TEX2: variants seen among roughly 807,000 people sequenced by gnomAD.
The protein encoded by TEX2 is testis-expressed protein 2.
TEX2 carries 53 observed loss-of-function variants against 106.9 expected under a neutral mutation model. That is an observed-to-expected ratio of 0.50 (90% confidence interval 0.40 to 0.62). The LOEUF is 0.62. Among genes scored for constraint, TEX2 ranks in the 20% least tolerant of loss-of-function variants. The pLI, the probability that TEX2 is intolerant of heterozygous loss-of-function variation, is 0.00. For missense variants in TEX2, 1,207 were observed against 1,379.0 expected (o/e 0.88, Z 1.98); for synonymous variants, 523 against 534.8 (o/e 0.98, Z 0.30).
At chr17:64,158,201 T>G (rs536864887) in intron 8 of TEX2, among the ~76,000 whole-genome samples, 1 of 152,370 alleles carries the variant, frequency 6.6e-6, no homozygotes, top group African/African-American at 2.4e-5. Context: ...GGTTAAAATC[T>G]CAGTCTAACC....
chr17:64,208,806 T>C (rs1365290592), intron 2 of TEX2, among the ~76,000 whole-genome samples: 1 of 151,940 alleles, frequency 6.6e-6, no homozygotes, highest in Non-Finnish European at 1.5e-5. Context: ...TTTAAATTTT[T>C]TGTAGAGATG....
intron 5 of TEX2, among the ~76,000 whole-genome samples, chr17:64,179,659 G>A (rs1264619736): frequency 6.6e-6 from 1 of 151,982 alleles, no homozygotes; most frequent in South Asian, 2.1e-4. Context: ...GGGGCCTAGG[G>A]TTCGCTTACG....
intron 5 of TEX2, among the ~76,000 whole-genome samples, chr17:64,187,513 C>T (rs1208073210): frequency 6.6e-6 from 1 of 152,096 alleles, no homozygotes; most frequent in Admixed American, 6.5e-5. Flanking sequence ...ATGACAGTCA[C>T]CTCCCACTCC....
chr17:64,186,544 C>T (rs191013882), intron 5 of TEX2, among the ~76,000 whole-genome samples: 10 of 152,194 alleles, frequency 6.6e-5, no homozygotes, highest in Middle Eastern at 6.8e-3. Flanking sequence ...CAGCCAAGGG[C>T]GGTGGCTCAC....
chr17:64,223,536 G>A (rs933188747), intron 1 of TEX2, among the ~76,000 whole-genome samples: 1 of 151,302 alleles, frequency 6.6e-6, no homozygotes, highest in African/African-American at 2.4e-5. Context: ...AAACACACTA[G>A]GCCAAATAGT....
Position 64,153,824 on chromosome 17 carries a change from C to T in TEX2, c.2931-670G>A, listed in dbSNP as rs529632727. Among the ~76,000 whole-genome samples the T allele has an allele frequency of 9.2e-5, 14 of 152,158 alleles. No individual in the cohort carries two copies. The highest frequency in any genetic ancestry group is 3.9e-4 in the Admixed American group (6 of 15,280). On this transcript the variant is annotated intron_variant, in intron 9 of 11. Transcript: ENST00000584379. This position sits in a 1 kb window ranked among gnomAD's most constrained non-coding sequence, Gnocchi z 4.1. ...GTGTGCATCTGTAGTCCCAGCTACT[C>T]GGGAGGCTAAAATGGGAGGATCACT...
intron 1 of TEX2, among the ~76,000 whole-genome samples, chr17:64,227,152 G>T (rs944006346): frequency 1.3e-5 from 2 of 151,974 alleles, no homozygotes; most frequent in Non-Finnish European, 2.9e-5. Context: ...CTTGAACCCT[G>T]GAGGCGGAGG....
intron 10 of TEX2, among the ~76,000 whole-genome samples, chr17:64,151,183 A>C (rs1439844933): frequency 6.6e-6 from 1 of 152,168 alleles, no homozygotes; most frequent in Non-Finnish European, 1.5e-5. Flanking sequence ...AACAGTTCTG[A>C]CAAACTGAGA....
rs375301161 is a variant in TEX2, at chr17:64,246,374, T to C, written c.-26+16794A>G. On this transcript the variant is annotated intron_variant, in intron 1 of 11. Coordinates refer to ENST00000584379, the MANE Select transcript of TEX2 (RefSeq NM_001288732.2). ...AATTCTCCTGCCTCAGCCTCCTGAG[T>C]AGCTGTTATTACAGGTGTGCGCCAC... Among the ~76,000 whole-genome samples the C allele has an allele frequency of 4.6e-5, 7 of 152,240 alleles. No individual in the cohort carries two copies. The East Asian group carries it at 1.4e-3, about 29-fold the overall frequency.
chr17:64,241,947 G>C (rs566551662), intron 1 of TEX2, among the ~76,000 whole-genome samples: 1 of 152,242 alleles, frequency 6.6e-6, no homozygotes, highest in Non-Finnish European at 1.5e-5. Context: ...CTTTATTTTT[G>C]AGAACGGTAC....
chr17:64,213,895 G>A lies in TEX2; in HGVS notation c.323C>T (p.Pro108Leu). ...LSVSQAPAIL[P>L]VSKNTVKLLE... ...CAGCTTTACAGTGTTCTTGGAGACG[G>A]GCAAAATGGCAGGGGCCTGGGACAC... The change falls in exon 2 of 12, where the codon CCC (proline) becomes CTC (leucine). Residue 108 changes from proline (P) to leucine (L), a missense_variant. Around this residue, in one of 3 missense-constraint regions of TEX2, gnomAD observed 1,067 missense variants for 1,193.6 expected, o/e 0.89. Coordinates refer to ENST00000584379, the MANE Select transcript of TEX2 (RefSeq NM_001288732.2). The surrounding 1 kb of genome is among the most constrained non-coding windows in gnomAD (Gnocchi z 4.4). 2 of 1,614,210 alleles carry A rather than the reference G, an allele frequency of 1.2e-6. No individual in the cohort carries two copies. Among genetic ancestry groups the A allele is most frequent in the East Asian group, 2.2e-5 (1 of 44,878 alleles).
rs182360742 is a variant in TEX2, at chr17:64,170,757, T to G, written c.2671+343A>C. Among the ~76,000 whole-genome samples the G allele has an allele frequency of 3.7e-3, 544 of 147,518 alleles. 6 individuals carry two copies. The highest frequency in any genetic ancestry group is 0.013 in the African/African-American group (519 of 40,058). The stretch of plus-strand genomic sequence containing the variant: ...AAGCGATTCTCCTGCCTCAGCCTCC[T>G]GAGTAGCTGGGATTACAGGCACCCG... On this transcript the variant is annotated intron_variant, in intron 7 of 11. Transcript: ENST00000584379.
intron 5 of TEX2, among the ~76,000 whole-genome samples, chr17:64,178,802 C>A (rs1475585515): frequency 6.6e-6 from 1 of 152,252 alleles, no homozygotes; most frequent in Non-Finnish European, 1.5e-5. Context: ...ACTCTCATCA[C>A]CTCCACGCTT....
At chr17:64,170,534 G>A (rs1280195948) in intron 7 of TEX2, among the ~76,000 whole-genome samples, 1 of 151,578 alleles carries the variant, frequency 6.6e-6, no homozygotes, top group African/African-American at 2.4e-5. Context: ...CCCATCAGCT[G>A]GCATGTGTGC....
rs957841174 is a variant in TEX2, at chr17:64,260,127, T to G, written c.-26+3041A>C. Among the ~76,000 whole-genome samples the G allele has an allele frequency of 1.1e-3, 173 of 152,330 alleles. 1 individual carries two copies. The highest frequency in any genetic ancestry group is 3.9e-3 in the African/African-American group (163 of 41,568). ...AAGATTTCCCAATAGCCTCGTGAATTACTCAAAACTGCACTTGGCAGAGAG... is the reference window on the plus strand; with the variant it reads ...AAGATTTCCCAATAGCCTCGTGAATGACTCAAAACTGCACTTGGCAGAGAG... On this transcript the variant is annotated intron_variant, in intron 1 of 11. Coordinates refer to ENST00000584379, the MANE Select transcript of TEX2 (RefSeq NM_001288732.2).
At chr17:64,179,805 G>C (rs2031777455) in intron 5 of TEX2, among the ~76,000 whole-genome samples, 1 of 152,030 alleles carries the variant, frequency 6.6e-6, no homozygotes, top group South Asian at 2.1e-4. Flanking sequence ...AAGCATGCTG[G>C]TCAGCCCATT....
chr17:64,223,357 CTTTT>C (rs71158308), intron 1 of TEX2, among the ~76,000 whole-genome samples: 80 of 113,116 alleles, frequency 7.1e-4, no homozygotes, highest in East Asian at 4.6e-3. Context: ...CTGAATCTGG[CTTTT>C]TTTTTTTTTT....
intron 11 of TEX2, chr17:64,149,914 T>A (rs1479910506): frequency 8.0e-6 from 1 of 125,112 alleles, no homozygotes; most frequent in African/African-American, 3.5e-5. Flanking sequence ...CAAGACTCTG[T>A]CTTAAAAAAA....
chr17:64,208,197 A>G (rs2032894876), intron 2 of TEX2, among the ~76,000 whole-genome samples: 1 of 152,212 alleles, frequency 6.6e-6, no homozygotes, highest in Admixed American at 6.5e-5. Flanking sequence ...ACTTTCAGAA[A>G]AAAAGCTTAG....
Sources: gnomAD v4.1 joint callset for allele counts (sites outside exome capture counted in the v4.1 genomes callset) on GRCh38, gnomAD v4.1.1 for gene constraint, gnomAD v4.1.1 regional missense constraint, Gnocchi (gnomAD v3.1) non-coding constraint, MANE v1.5 for transcripts, NCBI Gene and HGNC (gene_info 2026-07-23, HGNC 2026-07-21) for gene names.